TAFA2: variants seen among roughly 807,000 people sequenced by gnomAD.
TAFA2 encodes the protein TAFA chemokine like family member 2, also known as chemokine-like protein TAFA-2.
In TAFA2, 7 loss-of-function variants were observed where a neutral mutation model predicts 18.8. The observed-to-expected ratio is 0.37, with a 90% CI of 0.21 to 0.70. The LOEUF (loss-of-function observed/expected upper bound fraction) is 0.70, where lower values mean the gene tolerates loss of function less well. Among genes scored for constraint, TAFA2 ranks in the 30% least tolerant of loss-of-function variants. The pLI is 0.53. For missense variants in TAFA2, 122 were observed against 158.1 expected, an observed-to-expected ratio of 0.77 and a Z score of 1.23; for synonymous variants, 60 against 54.2, an observed-to-expected ratio of 1.11 and a Z score of -0.47.
chr12:62,038,911 A>T (rs1445604197), intron 1 of TAFA2, among the ~76,000 whole-genome samples: 1 of 152,172 alleles, frequency 6.6e-6, no homozygotes, highest in African/African-American at 2.4e-5. Context: ...AAAATATTAG[A>T]TGACTCCCAA....
At position 62,040,211 on chromosome 12, in the gene TAFA2, A is replaced by T. The variant is rs572186648; in HGVS notation, c.-2+151048T>A. ...TTCATTACACTACAGTTGTTATTAA[A>T]GTCAACAACTAGATAAGATTACTTG... On this transcript the variant is annotated intron_variant, in intron 1 of 4. Coordinates refer to ENST00000416284, the MANE Select transcript of TAFA2 (RefSeq NM_178539.5). Among the ~76,000 whole-genome samples, 11 of 152,294 alleles carry T rather than the reference A, an allele frequency of 7.2e-5. No individual in the cohort carries two copies. In the South Asian group the frequency reaches 2.3e-3, roughly 32 times the overall value.
chr12:62,183,519 G>A (rs977787751), intron 1 of TAFA2, among the ~76,000 whole-genome samples: 5 of 152,168 alleles, frequency 3.3e-5, no homozygotes, highest in Non-Finnish European at 5.9e-5. Context: ...CAGTAGCTGG[G>A]ACTACAGGCA....
chr12:62,211,350 C>G (rs554522681), intron 1 of TAFA2, among the ~76,000 whole-genome samples: 1 of 152,228 alleles, frequency 6.6e-6, no homozygotes, highest in African/African-American at 2.4e-5. Context: ...CAGGCCAAGG[C>G]AGGTGGATCA....
chr12:62,086,700 G>A (rs886593018), intron 1 of TAFA2, among the ~76,000 whole-genome samples: 1 of 152,038 alleles, frequency 6.6e-6, no homozygotes, highest in Non-Finnish European at 1.5e-5. Flanking sequence ...GCTCATTGCT[G>A]GAGGGAAGGC....
intron 1 of TAFA2, among the ~76,000 whole-genome samples, chr12:62,048,634 T>C (rs948996307): frequency 6.6e-6 from 1 of 152,256 alleles, no homozygotes; most frequent in Non-Finnish European, 1.5e-5. Flanking sequence ...CCTTTGATCA[T>C]AATGTTGTTA....
chr12:62,107,662 C>G (rs1388715767), intron 1 of TAFA2, among the ~76,000 whole-genome samples: 1 of 152,106 alleles, frequency 6.6e-6, no homozygotes, highest in South Asian at 2.1e-4. Context: ...CATTGCTGGA[C>G]TTTTTAACTC....
In TAFA2 at chr12:61,769,672, C is replaced by T. The variant is rs141954764; in HGVS notation, c.107-14648G>A. 2.0e-3 allele frequency among the ~76,000 whole-genome samples: 305 copies of T among 151,828 alleles called. 1 individual carries two copies. Among genetic ancestry groups the T allele is most frequent in the African/African-American group, 7.1e-3 (291 of 41,196 alleles). On this transcript the variant is annotated intron_variant, in intron 2 of 4. Transcript: ENST00000416284. The stretch of plus-strand genomic sequence containing the variant: ...CTGCAGTTCAGCTCTCAGGAAGCCC[C>T]ATCCCTAGGAGAAGGGGGAGAGCAC...
chr12:62,085,143 T>A (rs138754233), intron 1 of TAFA2, among the ~76,000 whole-genome samples: 1 of 152,264 alleles, frequency 6.6e-6, no homozygotes, highest in East Asian at 1.9e-4. Flanking sequence ...TTGCTTCATA[T>A]GTTAATAACA....
chr12:61,903,043 A>T (rs751499328), intron 1 of TAFA2, among the ~76,000 whole-genome samples: 5 of 151,580 alleles, frequency 3.3e-5, no homozygotes, highest in Non-Finnish European at 7.4e-5. Flanking sequence ...TCAACAATGA[A>T]CTCCTATCTG....
At chr12:62,195,068 G>A (rs766561151), upstream of TAFA2, among the ~76,000 whole-genome samples, 19 of 152,204 alleles carry the variant, frequency 1.2e-4, no homozygotes, top group Admixed American at 9.2e-4. Flanking sequence ...AGTGGTTGCT[G>A]AAGGTTGGAA....
chr12:61,727,565 T>G (rs1458684048), intron 4 of TAFA2, among the ~76,000 whole-genome samples: 1 of 152,046 alleles, frequency 6.6e-6, no homozygotes, highest in East Asian at 1.9e-4. Context: ...AGTTATAATA[T>G]CTCCCATTTT....
chr12:62,213,036 T>C (rs1273342177), intron 1 of TAFA2, among the ~76,000 whole-genome samples: 2 of 152,202 alleles, frequency 1.3e-5, no homozygotes, highest in Non-Finnish European at 2.9e-5. Context: ...TTATATAAAA[T>C]AGAGGCCGCA....
chr12:61,825,730 A>C (rs2121069936), intron 2 of TAFA2, among the ~76,000 whole-genome samples: 1 of 152,286 alleles, frequency 6.6e-6, no homozygotes, highest in South Asian at 2.1e-4. Flanking sequence ...CTCTAGTCTA[A>C]GTATTTTCAA....
At chr12:61,986,125 G>A (rs1392715170) in intron 1 of TAFA2, among the ~76,000 whole-genome samples, 1 of 144,212 alleles carries the variant, frequency 6.9e-6, no homozygotes, top group African/African-American at 2.6e-5. Context: ...TAGAAAGAGT[G>A]ACAGAATCTA....
chr12:62,096,742 T>C (rs1386484334), intron 1 of TAFA2, among the ~76,000 whole-genome samples: 3 of 152,132 alleles, frequency 2.0e-5, no homozygotes, highest in South Asian at 2.1e-4. Flanking sequence ...TGTTGAAACA[T>C]AGGCACAAAT....
intron 1 of TAFA2, among the ~76,000 whole-genome samples, chr12:62,068,656 T>A (rs1156780063): frequency 1.3e-5 from 2 of 152,050 alleles, no homozygotes; most frequent in African/African-American, 4.8e-5. Context: ...AAAATATTAT[T>A]CAAAATTTAC....
intron 1 of TAFA2, among the ~76,000 whole-genome samples, chr12:62,108,741 T>C (rs563616314): frequency 1.0e-3 from 152 of 152,378 alleles, no homozygotes; most frequent in African/African-American, 3.3e-3. Flanking sequence ...TGACCAGTGA[T>C]GGTGAGTTTT....
intron 2 of TAFA2, among the ~76,000 whole-genome samples, chr12:61,854,090 A>T (rs150395856): frequency 8.7e-4 from 132 of 152,316 alleles, no homozygotes; most frequent in Non-Finnish European, 1.5e-3. Context: ...GTTTGGAATT[A>T]TCAATTATTT....
At chr12:61,731,960 T>A (rs1435636678) in intron 4 of TAFA2, among the ~76,000 whole-genome samples, 1 of 152,024 alleles carries the variant, frequency 6.6e-6, no homozygotes, top group Non-Finnish European at 1.5e-5. Flanking sequence ...AAGATAAAAA[T>A]CACTCCTCTG....
Sources: allele counts gnomAD v4.1 joint callset (sites outside exome capture counted in the v4.1 genomes callset), GRCh38; gene constraint gnomAD v4.1.1; transcripts MANE v1.5; gene names NCBI Gene and HGNC (gene_info 2026-07-23, HGNC 2026-07-21).